The following MAGI3 variants were observed in gnomAD, a reference collection of about 807,000 sequenced individuals.
MAGI3 encodes membrane-associated guanylate kinase, WW and PDZ domain-containing protein 3.
A neutral mutation model predicts 121.8 loss-of-function variants in MAGI3; 43 were observed. The ratio of observed to expected loss-of-function variants is 0.35; its 90% confidence interval spans 0.28 to 0.46. MAGI3 has a LOEUF of 0.46. Ranked by LOEUF, MAGI3 falls within the 20% of genes least tolerant of loss-of-function variation. The pLI is 1.00. For missense variants in MAGI3, 1,547 were observed against 1,797.3 expected (o/e 0.86, Z 2.52); for synonymous variants, 553 against 639.3 (o/e 0.86, Z 2.04).
At chr1:113,636,995 T>C (rs2101813175) in intron 9 of MAGI3, among the ~76,000 whole-genome samples, 1 of 152,348 alleles carries the variant, frequency 6.6e-6, no homozygotes, top group East Asian at 1.9e-4. Context: ...GCCTTCTTTG[T>C]CTCTTTTGAT....
rs76754910 is a variant in MAGI3 at position 113,488,890 on chromosome 1, C to T, written c.317-60625C>T. Among the ~76,000 whole-genome samples, 233 of 152,242 alleles carry T rather than the reference C, an allele frequency of 1.5e-3. 2 individuals carry two copies. Among genetic ancestry groups the T allele is most frequent in the Admixed American group, 3.0e-3 (46 of 15,302 alleles). On this transcript the variant is annotated intron_variant, in intron 1 of 20. Transcript: ENST00000307546. The stretch of plus-strand genomic sequence containing the variant: ...GCACCCAGACCTGCACCTGCCAGTA[C>T]CCCACCCCTGAGCCAACACCATTTC...
At chr1:113,618,740 G>A (rs1008479706) in intron 7 of MAGI3, 14 of 233,432 alleles carry the variant, frequency 6.0e-5, no homozygotes, top group African/African-American at 2.4e-4. Flanking sequence ...TCTTGACCTC[G>A]TGATCTGCCT....
chr1:113,462,401 T>G (rs1436280134), intron 1 of MAGI3, among the ~76,000 whole-genome samples: 22 of 152,178 alleles, frequency 1.4e-4, no homozygotes, highest in Non-Finnish European at 2.9e-5. Flanking sequence ...AAATCATGTC[T>G]TTTGTGAGAA....
At chr1:113,648,497 T>C (rs1286764081) in intron 12 of MAGI3, among the ~76,000 whole-genome samples, 1 of 151,738 alleles carries the variant, frequency 6.6e-6, no homozygotes, top group East Asian at 1.9e-4. Context: ...CTGCAACCTC[T>C]GCCTCCCAGG....
chr1:113,598,698 A>C (rs1234412102), intron 6 of MAGI3, among the ~76,000 whole-genome samples: 1 of 152,150 alleles, frequency 6.6e-6, no homozygotes, highest in Non-Finnish European at 1.5e-5. Flanking sequence ...TATTAGACCT[A>C]AGAAAGGAGA....
At chr1:113,443,857 A>G (rs550400134) in intron 1 of MAGI3, among the ~76,000 whole-genome samples, 1 of 152,382 alleles carries the variant, frequency 6.6e-6, no homozygotes, top group South Asian at 2.1e-4. Flanking sequence ...TAATTTACAT[A>G]TGGTAAAATT....
At chr1:113,425,721 A>G (rs961404672) in intron 1 of MAGI3, among the ~76,000 whole-genome samples, 1 of 152,074 alleles carries the variant, frequency 6.6e-6, no homozygotes, top group Non-Finnish European at 1.5e-5. Context: ...TTCCTTTATT[A>G]TCCTTTAAAT....
intron 2 of MAGI3, among the ~76,000 whole-genome samples, chr1:113,577,202 A>G (rs1324093866): frequency 6.6e-6 from 1 of 152,110 alleles, no homozygotes; most frequent in Non-Finnish European, 1.5e-5. Flanking sequence ...GCTTGGGTTG[A>G]TTTGCTTGTA....
At chr1:113,671,932 G>T in intron 17 of MAGI3, 96 bp downstream of exon 17, 1 of 1,082,384 alleles carries the variant, frequency 9.2e-7, no homozygotes, top group Non-Finnish European at 1.4e-6. Context: ...CCACCCCCAT[G>T]CAGTAATGCA....
At position 113,494,785 on chromosome 1, in the gene MAGI3, A is replaced by G. The variant is rs77459720; in HGVS notation, c.317-54730A>G. ...CTTTTGAATTTTGATTGCTCAGCCAAGGGTTCTTTGTTGATAGCTGGTTTG... is the reference window on the plus strand; with the variant it reads ...CTTTTGAATTTTGATTGCTCAGCCAGGGGTTCTTTGTTGATAGCTGGTTTG... On this transcript the variant is annotated intron_variant, in intron 1 of 20. Coordinates refer to ENST00000307546, the MANE Select transcript of MAGI3 (RefSeq NM_001142782.2). 8.2e-4 allele frequency among the ~76,000 whole-genome samples: 125 copies of G among 152,324 alleles called. No individual in the cohort carries two copies. The East Asian group carries it at 0.021, about 26-fold the overall frequency.
Position 113,683,577 on chromosome 1 carries a change from A to G in MAGI3, c.4009A>G (p.Ile1337Val). The G allele has an allele frequency of 6.2e-7, 1 of 1,613,990 alleles. No individual in the cohort carries two copies. The highest frequency in any genetic ancestry group is 1.1e-5 in the South Asian group (1 of 91,086). Residue 1337 changes from isoleucine (I) to valine (V), a missense_variant, in exon 21 of 21, where the codon ATC becomes GTC. Coordinates refer to ENST00000307546, the MANE Select transcript of MAGI3 (RefSeq NM_001142782.2). Reference protein sequence around the residue: ...IPDGKEKSDVIRKDAKQNQLE... With the variant: ...IPDGKEKSDVVRKDAKQNQLE... The stretch of plus-strand genomic sequence containing the variant: ...AGATGGGAAGGAAAAATCAGACGTC[A>G]TCAGGAAAGATGCAAAGCAGAATCA...
chr1:113,447,572 G>A (rs530301535), intron 1 of MAGI3, among the ~76,000 whole-genome samples: 50 of 152,246 alleles, frequency 3.3e-4, no homozygotes, highest in African/African-American at 1.0e-3. Flanking sequence ...AAAATTGTGC[G>A]GCTGGGAGCG....
intron 1 of MAGI3, among the ~76,000 whole-genome samples, chr1:113,505,493 G>A (rs1657275327): frequency 7.2e-6 from 1 of 138,040 alleles, no homozygotes; most frequent in Non-Finnish European, 1.6e-5. Flanking sequence ...TGACAAATAA[G>A]ACATACAGGG....
At chr1:113,639,067 G>A (rs1378115305) in intron 9 of MAGI3, among the ~76,000 whole-genome samples, 2 of 152,174 alleles carry the variant, frequency 1.3e-5, no homozygotes, top group African/African-American at 2.4e-5. Context: ...CTGGTGCGCC[G>A]TTTTTTAAGC....
chr1:113,637,859 A>G (rs1652145449), intron 9 of MAGI3, among the ~76,000 whole-genome samples: 1 of 152,202 alleles, frequency 6.6e-6, no homozygotes, highest in African/African-American at 2.4e-5. Context: ...CATCACTTTC[A>G]GGTACACCAA....
chr1:113,665,890 T>G (rs1216229626), intron 16 of MAGI3, among the ~76,000 whole-genome samples: 1 of 152,196 alleles, frequency 6.6e-6, no homozygotes, highest in African/African-American at 2.4e-5. Flanking sequence ...GGTTCAGTTA[T>G]AGGCCACTGC....
chr1:113,562,065 T>C (rs1660260086), intron 2 of MAGI3, among the ~76,000 whole-genome samples: 1 of 152,124 alleles, frequency 6.6e-6, no homozygotes. Flanking sequence ...ACAAGGGAAG[T>C]GAATGACCTC....
intron 1 of MAGI3, among the ~76,000 whole-genome samples, chr1:113,415,801 C>T (rs1193736272): frequency 1.3e-5 from 2 of 151,814 alleles, no homozygotes; most frequent in African/African-American, 4.8e-5. Flanking sequence ...ATGTTATCTC[C>T]TTACTCCCTC....
chr1:113,447,567 T>G (rs1266698843), intron 1 of MAGI3, among the ~76,000 whole-genome samples: 2 of 151,964 alleles, frequency 1.3e-5, no homozygotes, highest in Non-Finnish European at 2.9e-5. Context: ...AAAAAAAAAT[T>G]GTGCGGCTGG....
Sources: allele counts gnomAD v4.1 joint callset (sites outside exome capture counted in the v4.1 genomes callset), GRCh38; gene constraint gnomAD v4.1.1; transcripts MANE v1.5; gene names NCBI Gene and HGNC (gene_info 2026-07-23, HGNC 2026-07-21).